Variants in RNLS observed in about 807,000 individuals in gnomAD.
The protein encoded by RNLS is renalase, FAD dependent amine oxidase.
A neutral mutation model predicts 39.8 loss-of-function variants in RNLS; 39 were observed. That is an observed-to-expected ratio of 0.98 (90% CI 0.76 to 1.28). The LOEUF (loss-of-function observed/expected upper bound fraction) is 1.28. Ranked by LOEUF, RNLS falls within the 50% of genes most tolerant of loss-of-function variation. RNLS has a pLI of 0.00. For missense variants in RNLS, 410 were observed against 413.3 expected (o/e 0.99, Z 0.07); for synonymous variants, 147 against 150.7 (o/e 0.98, Z 0.18).
At chr10:88,556,960 G>A (rs530800035) in intron 4 of RNLS, among the ~76,000 whole-genome samples, 184 of 152,132 alleles carry the variant, frequency 1.2e-3, no homozygotes, top group African/African-American at 3.5e-3. Flanking sequence ...TAGAATAGAA[G>A]TTCCTTGGAG....
At chr10:88,219,609 A>G in the RNLS span, among the ~76,000 whole-genome samples, 1 of 152,030 alleles carries the variant, frequency 6.6e-6, no homozygotes, top group South Asian at 2.1e-4. Flanking sequence ...TCCCTTAGTC[A>G]TATGGTTGCT....
intron 4 of RNLS, among the ~76,000 whole-genome samples, chr10:88,411,113 G>A (rs1853629606): frequency 6.6e-6 from 1 of 152,088 alleles, no homozygotes; most frequent in Non-Finnish European, 1.5e-5. Context: ...CAGCCAACGA[G>A]CTCTACAGGA....
At chr10:88,556,771 T>C (rs1340667321) in intron 4 of RNLS, among the ~76,000 whole-genome samples, 4 of 152,192 alleles carry the variant, frequency 2.6e-5, no homozygotes, top group Admixed American at 2.6e-4. Flanking sequence ...GTCTACTGTT[T>C]AAAAATCACC....
At position 88,306,451 on chromosome 10, in the gene RNLS, A is replaced by G. The variant is rs138122309; in HGVS notation, c.876+8015T>C. Among the ~76,000 whole-genome samples the G allele has an allele frequency of 2.8e-3, 423 of 152,286 alleles. 3 individuals carry two copies. The highest frequency in any genetic ancestry group is 9.8e-3 in the African/African-American group (406 of 41,564). On this transcript the variant is annotated intron_variant, in intron 6 of 6. Transcript: ENST00000331772. ...TGCTAGCTAGACTAATAAAGAAGAAAAGAGAGAAGATCCAAATAAACACAA... is the reference window on the plus strand; with the variant it reads ...TGCTAGCTAGACTAATAAAGAAGAAGAGAGAGAAGATCCAAATAAACACAA...
chr10:88,217,183 G>T, the RNLS span, among the ~76,000 whole-genome samples: 1 of 152,154 alleles, frequency 6.6e-6, no homozygotes, highest in South Asian at 2.1e-4. Flanking sequence ...GCACTCTCAA[G>T]ATATGACACT....
chr10:88,463,437 T>A (rs1026084643), intron 4 of RNLS, among the ~76,000 whole-genome samples: 1 of 152,056 alleles, frequency 6.6e-6, no homozygotes, highest in Non-Finnish European at 1.5e-5. Flanking sequence ...GTACCAATGC[T>A]ATGAAGACTT....
At chr10:88,179,922 T>C in the RNLS span, among the ~76,000 whole-genome samples, 2 of 152,364 alleles carry the variant, frequency 1.3e-5, no homozygotes, top group Middle Eastern at 3.4e-3. Flanking sequence ...GAAAAAACCC[T>C]ATGTTTTCTT....
the RNLS span, among the ~76,000 whole-genome samples, chr10:88,264,546 T>C: frequency 1.3e-5 from 2 of 152,248 alleles, no homozygotes; most frequent in Non-Finnish European, 2.9e-5. Flanking sequence ...CATTGTGGTT[T>C]TGATGTGCAT....
chr10:88,208,024 T>G, the RNLS span, among the ~76,000 whole-genome samples: 4 of 152,256 alleles, frequency 2.6e-5, no homozygotes, highest in East Asian at 7.7e-4. Context: ...TCCTTTGAAG[T>G]TCAGAGATTA....
chr10:88,262,011 A>G, the RNLS span, among the ~76,000 whole-genome samples: 1 of 152,146 alleles, frequency 6.6e-6, no homozygotes, highest in Non-Finnish European at 1.5e-5. Flanking sequence ...TAGGGTGAAG[A>G]ATAAGGAGAA....
At chr10:88,180,263 G>A in the RNLS span, among the ~76,000 whole-genome samples, 1 of 152,298 alleles carries the variant, frequency 6.6e-6, no homozygotes, top group African/African-American at 2.4e-5. Context: ...ACATATGGAT[G>A]TTTCAGACTG....
At chr10:88,178,391 G>A in the RNLS span, among the ~76,000 whole-genome samples, 2 of 152,088 alleles carry the variant, frequency 1.3e-5, no homozygotes, top group Non-Finnish European at 2.9e-5. Flanking sequence ...GAATAATGCA[G>A]CCACATTGGC....
At chr10:88,408,695 TA>T (rs1853452261) in intron 4 of RNLS, among the ~76,000 whole-genome samples, 1 of 152,154 alleles carries the variant, frequency 6.6e-6, no homozygotes, top group African/African-American at 2.4e-5. Flanking sequence ...TTTGGCATAC[TA>T]TTTTTTTATA....
chr10:88,209,698 C>T, the RNLS span, among the ~76,000 whole-genome samples: 1 of 152,176 alleles, frequency 6.6e-6, no homozygotes, highest in Admixed American at 6.5e-5. Flanking sequence ...GGCAATTCTG[C>T]TGTTGGTTAA....
intron 4 of RNLS, among the ~76,000 whole-genome samples, chr10:88,537,712 G>C (rs577013720): frequency 1.2e-4 from 19 of 152,270 alleles, no homozygotes; most frequent in Non-Finnish European, 2.5e-4. Flanking sequence ...GGGAGAATGG[G>C]AGAGTTAGGG....
At chr10:88,287,683 T>A (rs1457613787) in intron 6 of RNLS, among the ~76,000 whole-genome samples, 1 of 152,104 alleles carries the variant, frequency 6.6e-6, no homozygotes, top group Non-Finnish European at 1.5e-5. Context: ...CTTATAATCA[T>A]GGCAGAAGGA....
intron 4 of RNLS, among the ~76,000 whole-genome samples, chr10:88,425,794 G>A (rs1198424197): frequency 2.0e-5 from 3 of 152,052 alleles, no homozygotes; most frequent in Admixed American, 6.6e-5. Context: ...AGAAAAAAAC[G>A]TTGATGTGAG....
At chr10:88,272,767 C>T (rs150452876), downstream of RNLS, among the ~76,000 whole-genome samples, 1,670 of 152,254 alleles carry the variant, frequency 0.011, 22 homozygotes, top group Admixed American at 0.023. Flanking sequence ...AAGATAGATA[C>T]TCAAATAGTC....
At chr10:88,456,541 T>G (rs1043635976) in intron 4 of RNLS, among the ~76,000 whole-genome samples, 16 of 152,092 alleles carry the variant, frequency 1.1e-4, no homozygotes, top group African/African-American at 3.9e-4. Flanking sequence ...GAGCTGAGAA[T>G]AGAATTCAGG....
Sources: allele counts gnomAD v4.1 joint callset (sites outside exome capture counted in the v4.1 genomes callset), GRCh38; gene constraint gnomAD v4.1.1; transcripts MANE v1.5; gene names NCBI Gene and HGNC (gene_info 2026-07-23, HGNC 2026-07-21).